Variants in TXNDC16 observed in about 807,000 individuals in gnomAD.
The protein encoded by TXNDC16 is thioredoxin domain-containing protein 16.
Under a neutral mutation model 85.6 loss-of-function variants are expected in TXNDC16, and 74 were observed. That is an observed-to-expected ratio of 0.86 (90% confidence interval 0.72 to 1.05). TXNDC16 has a LOEUF of 1.05. Among genes scored for constraint, TXNDC16 ranks in the 50% least tolerant of loss-of-function variants. The pLI, the probability that TXNDC16 is intolerant of heterozygous loss-of-function variation, is 0.00. For missense variants in TXNDC16, 959 were observed against 947.0 expected (o/e 1.01, Z -0.17); for synonymous variants, 335 against 326.5 (o/e 1.03, Z -0.28).
At chr14:52,551,179 C>T (rs2038036184) in intron 1 of TXNDC16, among the ~76,000 whole-genome samples, 1 of 152,068 alleles carries the variant, frequency 6.6e-6, no homozygotes, top group Admixed American at 6.6e-5. Context: ...AAACGACTGT[C>T]CCAGAATCTA....
At chr14:52,490,265 A>C in intron 11 of TXNDC16, 126 bp downstream of exon 11, 1 of 583,812 alleles carries the variant, frequency 1.7e-6, no homozygotes, top group South Asian at 4.5e-5. Flanking sequence ...GTTAACAGCA[A>C]TTTTCTTTGA....
chr14:52,441,638 CAAGAT>C (rs1378059602), intron 18 of TXNDC16, among the ~76,000 whole-genome samples: 2 of 151,026 alleles, frequency 1.3e-5, no homozygotes, highest in Non-Finnish European at 3.0e-5. Flanking sequence ...AAAACAAAAA[CAAGAT>C]AAGGAGGTAA....
chr14:52,527,724 G>T (rs1432184327), intron 6 of TXNDC16, among the ~76,000 whole-genome samples: 1 of 152,186 alleles, frequency 6.6e-6, no homozygotes, highest in East Asian at 1.9e-4. Flanking sequence ...TGCTGTTATT[G>T]CCGTAAGGTC....
chr14:52,450,851 TTTTA>T (rs1566533807), intron 18 of TXNDC16, among the ~76,000 whole-genome samples: 1 of 32,082 alleles, frequency 3.1e-5, no homozygotes, highest in Non-Finnish European at 5.4e-5. Context: ...AGAAAATGTG[TTTTA>T]TATATATATA....
At position 52,549,653 on chromosome 14, in the gene TXNDC16, CAG is replaced by C. The variant is rs1258115062; in HGVS notation, c.-182+2661_-182+2662del. On this transcript the variant is annotated intron_variant, in intron 1 of 20. Coordinates refer to ENST00000281741, the MANE Select transcript of TXNDC16 (RefSeq NM_020784.3). ...GATTTTTTTTTTTTTTTTTTTGAGA[CAG>C]AGTCTGAACAGAGTCTCTGTCACCC... 2.5e-5 allele frequency among the ~76,000 whole-genome samples: 3 copies of C among 122,304 alleles called. No individual in the cohort carries two copies. The East Asian group carries it at 6.7e-4, about 27-fold the overall frequency. 80.2% of individuals were successfully genotyped at this position (122,304 alleles called of 152,430 possible).
chr14:52,455,570 C>A, intron 17 of TXNDC16, 108 bp from the exon 18 acceptor site: 1 of 1,281,570 alleles, frequency 7.8e-7, no homozygotes, highest in African/African-American at 1.5e-5. Flanking sequence ...GGAATTCCTA[C>A]TGCTAAGGAA....
At chr14:52,508,833 C>T (rs554577957) in intron 9 of TXNDC16, among the ~76,000 whole-genome samples, 42 of 152,180 alleles carry the variant, frequency 2.8e-4, no homozygotes, top group Admixed American at 2.1e-3. Flanking sequence ...AACCAAACAC[C>T]GCATGTTCTT....
At chr14:52,502,959 C>T (rs962027551) in intron 9 of TXNDC16, among the ~76,000 whole-genome samples, 2 of 152,190 alleles carry the variant, frequency 1.3e-5, no homozygotes, top group Non-Finnish European at 2.9e-5. Flanking sequence ...GGGTCCTATG[C>T]CCACAGAGCC....
intron 14 of TXNDC16, among the ~76,000 whole-genome samples, chr14:52,481,833 G>A (rs184780029): frequency 8.3e-4 from 127 of 152,188 alleles, no homozygotes; most frequent in Admixed American, 3.1e-3. Flanking sequence ...TCAAGGACAC[G>A]GGGATTTTTG....
At chr14:52,537,820 G>T (rs1282811240) in intron 4 of TXNDC16, 148 bp from the exon 5 acceptor site, 1 of 578,230 alleles carries the variant, frequency 1.7e-6, no homozygotes, top group Non-Finnish European at 3.1e-6. Flanking sequence ...TGCTATAATT[G>T]TTCACATATT....
intron 6 of TXNDC16, among the ~76,000 whole-genome samples, chr14:52,535,589 C>G (rs2037681126): frequency 6.6e-6 from 1 of 152,084 alleles, no homozygotes; most frequent in East Asian, 1.9e-4. Context: ...TAGAAAAGTC[C>G]ATGTAAACCT....
At chr14:52,438,085 G>A (rs1483625762) in intron 20 of TXNDC16, among the ~76,000 whole-genome samples, 3 of 152,140 alleles carry the variant, frequency 2.0e-5, no homozygotes, top group Admixed American at 6.5e-5. Flanking sequence ...AATCTTGAAC[G>A]GATGCTTCTC....
At chr14:52,521,594 A>G (rs2037213214) in intron 6 of TXNDC16, among the ~76,000 whole-genome samples, 1 of 152,196 alleles carries the variant, frequency 6.6e-6, no homozygotes, top group Non-Finnish European at 1.5e-5. Flanking sequence ...GTATTACTAT[A>G]AAAATATTTC....
At chr14:52,448,849 C>T (rs531351947) in intron 18 of TXNDC16, among the ~76,000 whole-genome samples, 16 of 152,040 alleles carry the variant, frequency 1.1e-4, no homozygotes, top group Non-Finnish European at 1.8e-4. Context: ...TTTTCCTTTG[C>T]TTGTTCGTTT....
chr14:52,461,886 C>A (rs868670918), intron 16 of TXNDC16, among the ~76,000 whole-genome samples: 25 of 152,340 alleles, frequency 1.6e-4, no homozygotes, highest in Admixed American at 9.8e-4. Flanking sequence ...CCAGCTTTAG[C>A]CCACAGACAA....
Position 52,543,718 on chromosome 14 carries a change from T to C in TXNDC16, c.-73-88A>G, listed in dbSNP as rs2037883804. On this transcript the variant is annotated intron_variant, in intron 2 of 20. Transcript: ENST00000281741. ...GTAAAATCTACAAAAAGAAAGTCAT[T>C]AGTCACATCATTTGATTTTGCTAGT... 53 of 766,010 alleles carry C rather than the reference T, an allele frequency of 6.9e-5. No individual in the cohort carries two copies. In the South Asian group the frequency reaches 9.2e-4, roughly 13 times the overall value. 47.5% of individuals were successfully genotyped at this position (766,010 alleles called of 1,614,324 possible). A position where few individuals can be genotyped will look rare whatever the true frequency, so the allele number is the denominator to read the frequency against.
chr14:52,543,344 T>C lies in TXNDC16; in HGVS notation c.160+54A>G, dbSNP rs746573619. 598 of 1,545,918 alleles carry C rather than the reference T, an allele frequency of 3.9e-4. 1 individual carries two copies. Among genetic ancestry groups the C allele is most frequent in the Non-Finnish European group, 4.9e-4 (554 of 1,142,120 alleles). ...GAAATTTCCCACTGAACTTACTGATTAAATAGCAATAAAAACATCACAAGA... is the reference window on the plus strand; with the variant it reads ...GAAATTTCCCACTGAACTTACTGATCAAATAGCAATAAAAACATCACAAGA... On this transcript the variant is annotated intron_variant, in intron 3 of 20. Transcript: ENST00000281741.
Position 52,490,450 on chromosome 14 carries a change from C to T in TXNDC16, c.925G>A (p.Asp309Asn). 6.3e-7 allele frequency: 1 copy of T among 1,596,140 alleles called. No individual in the cohort carries two copies. Among genetic ancestry groups the T allele is most frequent in the Non-Finnish European group, 8.5e-7 (1 of 1,173,640 alleles). Residue 309 changes from aspartate (D) to asparagine (N), a missense_variant and splice_region_variant, in exon 11 of 21, where the codon GAC becomes AAC. Transcript: ENST00000281741. Reference protein sequence around the residue: ...GKAGVLLLLRDSLEVNIPQDA... With the variant: ...GKAGVLLLLRNSLEVNIPQDA... ...TGAGGAATGTTCACTTCCAAAGAGT[C>T]CCTTTTTCAAAATGGAAATAAATGT... is the stretch of plus-strand genomic sequence containing the variant.
At chr14:52,549,727 T>C (rs937265613) in intron 1 of TXNDC16, among the ~76,000 whole-genome samples, 2 of 150,794 alleles carry the variant, frequency 1.3e-5, no homozygotes, top group Non-Finnish European at 3.0e-5. Context: ...AAGTTCTGCC[T>C]CCCCGGTTCA....
Sources: allele counts gnomAD v4.1 joint callset (sites outside exome capture counted in the v4.1 genomes callset), GRCh38; gene constraint gnomAD v4.1.1; transcripts MANE v1.5; gene names NCBI Gene and HGNC (gene_info 2026-07-23, HGNC 2026-07-21).